The following MCU variants were observed in gnomAD, a reference collection of about 807,000 sequenced individuals.
The protein encoded by MCU is calcium uniporter protein, mitochondrial.
MCU carries 12 observed loss-of-function variants against 45.2 expected under a neutral mutation model. That is an observed-to-expected ratio of 0.27 (90% CI 0.17 to 0.43). The LOEUF is 0.43. MCU is among the 20% of genes least tolerant of loss of function. MCU has a pLI of 1.00. For synonymous variants in MCU, 160 were observed against 165.1 expected (o/e 0.97, Z 0.24); for missense variants, 324 against 436.7 (o/e 0.74, Z 2.30).
chr10:72,884,232 A>G, intron 6 of MCU, 34 bp from the exon 7 acceptor site: 1 of 1,257,926 alleles, frequency 7.9e-7, no homozygotes, highest in Non-Finnish European at 1.2e-6. Flanking sequence ...ATAGTATGCT[A>G]AGGACTGATA....
At chr10:72,744,402 G>A (rs909850768) in intron 1 of MCU, among the ~76,000 whole-genome samples, 1 of 152,176 alleles carries the variant, frequency 6.6e-6, no homozygotes, top group Non-Finnish European at 1.5e-5. Context: ...AGGAGAAAGT[G>A]CTAGAATTTT....
chr10:72,829,789 G>A (rs1263841978), intron 1 of MCU, among the ~76,000 whole-genome samples: 1 of 152,008 alleles, frequency 6.6e-6, no homozygotes, highest in Non-Finnish European at 1.5e-5. Flanking sequence ...TTGCTTCCTT[G>A]GTTTTTGTTT....
chr10:72,699,626 C>G (rs1842732152), intron 1 of MCU, among the ~76,000 whole-genome samples: 1 of 148,998 alleles, frequency 6.7e-6, no homozygotes, highest in South Asian at 2.1e-4. Flanking sequence ...TGGAGTCACG[C>G]TGTCGTCCAT....
At chr10:72,693,433 ACT>A (rs1352212900) in intron 1 of MCU, among the ~76,000 whole-genome samples, 3 of 152,210 alleles carry the variant, frequency 2.0e-5, no homozygotes, top group African/African-American at 7.2e-5. Context: ...GATAGGAGAA[ACT>A]ACAATAGTAC....
At chr10:72,709,656 G>A (rs1455522310) in intron 1 of MCU, among the ~76,000 whole-genome samples, 1 of 152,018 alleles carries the variant, frequency 6.6e-6, no homozygotes, top group African/African-American at 2.4e-5. Context: ...AGATATAGAT[G>A]TCAATAGTTT....
At chr10:72,827,913 G>T (rs774474337) in intron 1 of MCU, among the ~76,000 whole-genome samples, 9 of 152,166 alleles carry the variant, frequency 5.9e-5, no homozygotes, top group Non-Finnish European at 1.2e-4. Flanking sequence ...TAAAGCCACA[G>T]ACCTTATTTA....
At chr10:72,768,591 G>A (rs1272105020) in intron 1 of MCU, among the ~76,000 whole-genome samples, 1 of 152,080 alleles carries the variant, frequency 6.6e-6, no homozygotes, top group Non-Finnish European at 1.5e-5. Context: ...CCTCTTAAAT[G>A]GTGAGGTTAG....
At chr10:72,829,298 G>T (rs1268175973) in intron 1 of MCU, among the ~76,000 whole-genome samples, 1 of 145,366 alleles carries the variant, frequency 6.9e-6, no homozygotes, top group Non-Finnish European at 1.5e-5. Flanking sequence ...ACTCCAGCCT[G>T]GGCAACAGAG....
chr10:72,715,869 C>A, intron 1 of MCU: 3 of 985,614 alleles, frequency 3.0e-6, no homozygotes, highest in Non-Finnish European at 3.6e-6. Flanking sequence ...GGTGATGTGA[C>A]CTGTTCACGC....
intron 1 of MCU, among the ~76,000 whole-genome samples, chr10:72,759,277 CA>C (rs1184404384): frequency 6.6e-6 from 1 of 152,056 alleles, no homozygotes; most frequent in Non-Finnish European, 1.5e-5. Flanking sequence ...ATTGAGCAAG[CA>C]GGGGGTACAT....
chr10:72,765,641 A>C (rs1430141729), intron 1 of MCU, among the ~76,000 whole-genome samples: 1 of 151,898 alleles, frequency 6.6e-6, no homozygotes, highest in Non-Finnish European at 1.5e-5. Context: ...AAAAAATAAG[A>C]AATATAGCCA....
chr10:72,781,435 C>G (rs1412133427), intron 1 of MCU, among the ~76,000 whole-genome samples: 1 of 152,216 alleles, frequency 6.6e-6, no homozygotes, highest in African/African-American at 2.4e-5. Flanking sequence ...TTAAAGTCAT[C>G]TCTTAAGTCC....
In MCU at chr10:72,872,196, T is replaced by C. The variant is rs910754763; in HGVS notation, c.861+616T>C. 3.0e-4 allele frequency among the ~76,000 whole-genome samples: 45 copies of C among 152,178 alleles called. 1 individual carries two copies. Among genetic ancestry groups the C allele is most frequent in the Non-Finnish European group, 2.9e-5 (2 of 68,032 alleles). On this transcript the variant is annotated intron_variant, in intron 6 of 7. Coordinates refer to ENST00000373053, the MANE Select transcript of MCU (RefSeq NM_138357.3). ...GGTGTCTGTGCATGTATACAACATA[T>C]ATACATGTGTAATGATCAAATCAGG...
intron 1 of MCU, among the ~76,000 whole-genome samples, chr10:72,728,964 C>T (rs1451810436): frequency 6.6e-6 from 1 of 152,046 alleles, no homozygotes; most frequent in Non-Finnish European, 1.5e-5. Context: ...GGGATGAAGC[C>T]TTCTGTTTTT....
chr10:72,828,837 T>G (rs1241358855), intron 1 of MCU, among the ~76,000 whole-genome samples: 1 of 152,144 alleles, frequency 6.6e-6, no homozygotes, highest in Non-Finnish European at 1.5e-5. Context: ...ACACTAGGGA[T>G]TAAGATCAAA....
chr10:72,751,539 A>G lies in MCU; in HGVS notation c.150+59238A>G, dbSNP rs556454694. 4.0e-5 allele frequency among the ~76,000 whole-genome samples: 6 copies of G among 150,414 alleles called. No homozygotes were observed. The South Asian group carries it at 1.3e-3, about 32-fold the overall frequency. ...CTGGCTAATTTTTGTATTTTTTGGT[A>G]GAGACGGGGTTTCACCATGTTGGCC... On this transcript the variant is annotated intron_variant, in intron 1 of 7. Transcript: ENST00000373053.
At chr10:72,694,251 A>G (rs1359116399) in intron 1 of MCU, among the ~76,000 whole-genome samples, 1 of 152,236 alleles carries the variant, frequency 6.6e-6, no homozygotes. Flanking sequence ...TGAAGCCATC[A>G]TGTATACAGC....
intron 2 of MCU, among the ~76,000 whole-genome samples, chr10:72,848,068 T>G (rs1194127972): frequency 6.6e-6 from 1 of 152,182 alleles, no homozygotes; most frequent in African/African-American, 2.4e-5. Context: ...AGCCCTGATT[T>G]GATGTGGGTG....
At chr10:72,814,128 C>T (rs549528450) in intron 1 of MCU, among the ~76,000 whole-genome samples, 1 of 152,160 alleles carries the variant, frequency 6.6e-6, no homozygotes, top group Non-Finnish European at 1.5e-5. Flanking sequence ...AGGGTCAAAT[C>T]AAATGGAAGA....
Sources: allele counts gnomAD v4.1 joint callset (sites outside exome capture counted in the v4.1 genomes callset), GRCh38; gene constraint gnomAD v4.1.1; transcripts MANE v1.5; gene names NCBI Gene and HGNC (gene_info 2026-07-23, HGNC 2026-07-21).